ARHGEF26: variants seen among roughly 807,000 people sequenced by gnomAD.
The protein encoded by ARHGEF26 is Rho guanine nucleotide exchange factor (GEF) 26.
In ARHGEF26, 59 loss-of-function variants were observed where a neutral mutation model predicts 89.4. That is an observed-to-expected ratio of 0.66 (90% CI 0.54 to 0.82). The LOEUF is 0.82. Ranked by LOEUF, ARHGEF26 falls within the 40% of genes least tolerant of loss-of-function variation. ARHGEF26 has a pLI of 0.00. For missense variants in ARHGEF26, 1,234 were observed against 1,085.6 expected (o/e 1.14, Z -1.92); for synonymous variants, 500 against 428.4 (o/e 1.17, Z -2.06).
chr3:154,251,693 G>A (rs940747292), intron 12 of ARHGEF26, among the ~76,000 whole-genome samples: 1 of 152,158 alleles, frequency 6.6e-6, no homozygotes, highest in African/African-American at 2.4e-5. Flanking sequence ...TGTGTTTTCA[G>A]CATTGAGTGG....
At chr3:154,176,507 T>C (rs748934584) in intron 6 of ARHGEF26, among the ~76,000 whole-genome samples, 25 of 152,294 alleles carry the variant, frequency 1.6e-4, no homozygotes, top group Non-Finnish European at 2.8e-4. Flanking sequence ...TGGTGATCAG[T>C]GTCAGCATCC....
intron 3 of ARHGEF26, among the ~76,000 whole-genome samples, chr3:154,124,928 A>C (rs1718235494): frequency 6.6e-6 from 1 of 152,062 alleles, no homozygotes; most frequent in South Asian, 2.1e-4. Context: ...GGCTGACAAA[A>C]ACATATTCTT....
chr3:154,239,018 A>C (rs1717290164), intron 11 of ARHGEF26, among the ~76,000 whole-genome samples: 1 of 152,102 alleles, frequency 6.6e-6, no homozygotes, highest in South Asian at 2.1e-4. Flanking sequence ...TTGGAAAGAA[A>C]GGCCATGCTG....
At chr3:154,209,690 C>T (rs543584367) in intron 9 of ARHGEF26, among the ~76,000 whole-genome samples, 4 of 152,270 alleles carry the variant, frequency 2.6e-5, no homozygotes, top group Admixed American at 6.5e-5. Context: ...ATGATTGCGC[C>T]GGGTAAGACC....
At chr3:154,177,613 C>T (rs921418332) in intron 6 of ARHGEF26, among the ~76,000 whole-genome samples, 3 of 152,074 alleles carry the variant, frequency 2.0e-5, no homozygotes, top group East Asian at 1.9e-4. Flanking sequence ...AGAGTGGTTT[C>T]GGATTGTGTT....
chr3:154,131,068 T>G (rs183340500), intron 4 of ARHGEF26, among the ~76,000 whole-genome samples: 17 of 152,286 alleles, frequency 1.1e-4, no homozygotes, highest in Admixed American at 7.2e-4. Context: ...ATCTGTTCAT[T>G]TCCAGGGCCT....
chr3:154,177,527 G>A (rs1375014269), intron 6 of ARHGEF26, among the ~76,000 whole-genome samples: 1 of 152,172 alleles, frequency 6.6e-6, no homozygotes, highest in East Asian at 1.9e-4. Context: ...GGGACATGTT[G>A]GCTGAATTCC....
At chr3:154,173,537 C>G (rs551421345) in intron 6 of ARHGEF26, among the ~76,000 whole-genome samples, 2 of 152,304 alleles carry the variant, frequency 1.3e-5, no homozygotes, top group African/African-American at 4.8e-5. Flanking sequence ...TACAACCATA[C>G]ATTTGTCAAC....
At chr3:154,133,210 G>A (rs1011862247) in intron 4 of ARHGEF26, among the ~76,000 whole-genome samples, 3 of 152,072 alleles carry the variant, frequency 2.0e-5, no homozygotes, top group African/African-American at 4.8e-5. Flanking sequence ...TTGTCTGGGC[G>A]TGTTTATGTT....
intron 4 of ARHGEF26, among the ~76,000 whole-genome samples, chr3:154,133,890 A>G (rs1718836741): frequency 6.6e-6 from 1 of 151,940 alleles, no homozygotes; most frequent in African/African-American, 2.4e-5. Flanking sequence ...AGTGTTTTGT[A>G]CTTGTAGAGA....
chr3:154,171,400 G>T (rs1019867974), intron 6 of ARHGEF26, among the ~76,000 whole-genome samples: 2 of 151,908 alleles, frequency 1.3e-5, no homozygotes, highest in East Asian at 1.9e-4. Context: ...TTTACATTAC[G>T]GTTTGCTCTT....
intron 4 of ARHGEF26, among the ~76,000 whole-genome samples, chr3:154,133,361 A>G (rs1453289953): frequency 1.3e-5 from 2 of 152,100 alleles, no homozygotes; most frequent in African/African-American, 4.8e-5. Context: ...AGAGGCATTT[A>G]TTTAGTTGGG....
At chr3:154,153,115 T>C (rs1446766785) in intron 6 of ARHGEF26, among the ~76,000 whole-genome samples, 183 bp downstream of exon 6, 5 of 152,192 alleles carry the variant, frequency 3.3e-5, no homozygotes, top group African/African-American at 7.2e-5. Flanking sequence ...GCTCAGTGTG[T>C]AATGAGTTGT....
chr3:154,255,774 G>A lies in ARHGEF26; in HGVS notation c.*301G>A. 1 of 1,157,384 alleles carries A rather than the reference G, an allele frequency of 8.6e-7. No individual in the cohort carries two copies. Among genetic ancestry groups the A allele is most frequent in the Non-Finnish European group, 1.1e-6 (1 of 940,560 alleles). The allele number at this position is 1,157,384 out of a possible 1,614,324, so 71.7% of individuals were successfully genotyped here. A position where few individuals can be genotyped will look rare whatever the true frequency, so the allele number is the denominator to read the frequency against. The stretch of plus-strand genomic sequence containing the variant: ...GCTCCTCCTAGTTTCACCATGTTCT[G>A]GCAATAAAAAACACATATTATATCC... On this transcript the variant is annotated 3_prime_UTR_variant, in exon 15 of 15. Coordinates refer to ENST00000465093, the MANE Select transcript of ARHGEF26 (RefSeq NM_015595.4).
chr3:154,126,213 G>A (rs999488049), intron 3 of ARHGEF26, among the ~76,000 whole-genome samples: 1 of 152,166 alleles, frequency 6.6e-6, no homozygotes, highest in African/African-American at 2.4e-5. Flanking sequence ...TTTAGTCATA[G>A]TGCATACAGA....
chr3:154,144,683 G>C (rs1308238840), intron 4 of ARHGEF26, among the ~76,000 whole-genome samples: 1 of 152,206 alleles, frequency 6.6e-6, no homozygotes, highest in Admixed American at 6.5e-5. Flanking sequence ...AGGGCATAGA[G>C]GAGCAAGTGT....
At chr3:154,152,674 G>A (rs1361119778) in intron 5 of ARHGEF26, 98 bp from the exon 6 acceptor site, 5 of 888,626 alleles carry the variant, frequency 5.6e-6, no homozygotes, top group Non-Finnish European at 1.6e-6. Flanking sequence ...TACCTGAAAA[G>A]TGGAGTATCT....
At chr3:154,123,708 C>A (rs1718145347) in intron 2 of ARHGEF26, among the ~76,000 whole-genome samples, 1 of 152,014 alleles carries the variant, frequency 6.6e-6, no homozygotes, top group Non-Finnish European at 1.5e-5. Flanking sequence ...CGTTGTATGC[C>A]CATTCATCCT....
intron 10 of ARHGEF26, 129 bp from the exon 11 acceptor site, chr3:154,225,727 T>A: frequency 1.1e-6 from 1 of 923,774 alleles, no homozygotes; most frequent in Non-Finnish European, 1.5e-6. Context: ...CAGTTTTATA[T>A]GCCTATAAAA....
Sources: allele counts gnomAD v4.1 joint callset (sites outside exome capture counted in the v4.1 genomes callset), GRCh38; gene constraint gnomAD v4.1.1; transcripts MANE v1.5; gene names NCBI Gene and HGNC (gene_info 2026-07-23, HGNC 2026-07-21).